The following GREB1L variants were observed in gnomAD, a reference collection of about 807,000 sequenced individuals.
The protein encoded by GREB1L is GREB1 like retinoic acid receptor coactivator.
GREB1L carries 17 observed loss-of-function variants against 200.8 expected under a neutral mutation model. The ratio of observed to expected loss-of-function variants is 0.08; its 90% CI spans 0.06 to 0.13. The LOEUF is 0.13. Among genes scored for constraint, GREB1L ranks in the 10% least tolerant of loss-of-function variants. GREB1L has a pLI of 1.00. For missense variants in GREB1L, 1,657 were observed against 2,367.7 expected (o/e 0.70, Z 6.23); for synonymous variants, 789 against 893.0 (o/e 0.88, Z 2.08).
At chr18:21,484,165 CAT>C (rs1365626759) in intron 17 of GREB1L, among the ~76,000 whole-genome samples, 3 of 149,692 alleles carry the variant, frequency 2.0e-5, no homozygotes, top group Admixed American at 6.7e-5. Flanking sequence ...TACATACATA[CAT>C]ATATATATAT....
intron 1 of GREB1L, among the ~76,000 whole-genome samples, chr18:21,268,403 C>A (rs1224927877): frequency 1.3e-5 from 2 of 150,262 alleles, no homozygotes; most frequent in Non-Finnish European, 3.0e-5. Context: ...AATCATAGTT[C>A]TTCTTGCTTG....
chr18:21,341,183 G>A (rs2039264235), intron 1 of GREB1L, among the ~76,000 whole-genome samples: 1 of 152,150 alleles, frequency 6.6e-6, no homozygotes, highest in African/African-American at 2.4e-5. Context: ...AATGGAAGGA[G>A]ACCCTGTGTG....
chr18:21,269,357 C>G (rs1261010056), intron 1 of GREB1L, among the ~76,000 whole-genome samples: 1 of 152,060 alleles, frequency 6.6e-6, no homozygotes, highest in Non-Finnish European at 1.5e-5. Flanking sequence ...TTAGGAATGG[C>G]CTTTCTTCTC....
chr18:21,525,082 A>T lies in GREB1L; in HGVS notation c.*2261A>T, dbSNP rs895376328. The T allele has an allele frequency of 6.6e-6, 1 of 151,774 alleles. No individual in the cohort carries two copies. Among genetic ancestry groups the T allele is most frequent in the Non-Finnish European group, 1.5e-5 (1 of 67,952 alleles). The allele number at this position is 151,774 out of a possible 1,614,324, so 9.4% of individuals were successfully genotyped here. ...TCCCTTAGGACACTGATGTGGGATGAATGGATTCGCTAGGCCCACACAGTA... is the reference window on the plus strand; with the variant it reads ...TCCCTTAGGACACTGATGTGGGATGTATGGATTCGCTAGGCCCACACAGTA... On this transcript the variant is annotated 3_prime_UTR_variant, in exon 33 of 33. Transcript: ENST00000424526.
At chr18:21,484,772 A>G (rs1177881089) in intron 17 of GREB1L, among the ~76,000 whole-genome samples, 1 of 152,150 alleles carries the variant, frequency 6.6e-6, no homozygotes, top group Non-Finnish European at 1.5e-5. Flanking sequence ...GCAGTGAGCC[A>G]AGATCGCACC....
Position 21,429,270 on chromosome 18 carries a change from C to T in GREB1L, c.833-10251C>T, listed in dbSNP as rs528438449. Among the ~76,000 whole-genome samples the T allele has an allele frequency of 5.0e-3, 574 of 114,962 alleles. 3 individuals carry two copies. Among genetic ancestry groups the T allele is most frequent in the Middle Eastern group, 0.014 (3 of 220 alleles). 75.4% of individuals were successfully genotyped at this position (114,962 alleles called of 152,430 possible). A position where few individuals can be genotyped will look rare whatever the true frequency, so the allele number is the denominator to read the frequency against. ...CTCCTCTCCTCTCCTGTCCTCTCCT[C>T]TCCTCTCCTCTCCTCCCCTCCCCTC... On this transcript the variant is annotated intron_variant, in intron 7 of 32. Coordinates refer to ENST00000424526, the MANE Select transcript of GREB1L (RefSeq NM_001142966.3).
chr18:21,314,121 G>A (rs565975819), intron 1 of GREB1L, among the ~76,000 whole-genome samples: 1 of 152,312 alleles, frequency 6.6e-6, no homozygotes, highest in African/African-American at 2.4e-5. Flanking sequence ...TGTCTTGCCT[G>A]TTCACCTGCT....
intron 1 of GREB1L, among the ~76,000 whole-genome samples, chr18:21,253,826 G>C (rs2037753389): frequency 7.2e-6 from 1 of 138,870 alleles, no homozygotes; most frequent in Non-Finnish European, 1.5e-5. Context: ...TTGACTTCCA[G>C]GCTTTTTTTT....
intron 7 of GREB1L, among the ~76,000 whole-genome samples, chr18:21,436,254 A>G (rs112858208): frequency 3.3e-5 from 5 of 152,310 alleles, no homozygotes; most frequent in African/African-American, 1.2e-4. Context: ...GACTGATGGT[A>G]TAGAGTAGAG....
chr18:21,472,429 T>C (rs1343497852), intron 15 of GREB1L, among the ~76,000 whole-genome samples: 7 of 152,238 alleles, frequency 4.6e-5, no homozygotes, highest in African/African-American at 1.7e-4. Flanking sequence ...ATAGCAGTCA[T>C]GACTAATTCA....
chr18:21,508,648 C>A (rs78910371), intron 27 of GREB1L, 57 bp downstream of exon 27: 11 of 1,437,092 alleles, frequency 7.7e-6, no homozygotes, highest in Non-Finnish European at 1.0e-5. Flanking sequence ...GAGCTCCATT[C>A]CCCTGGCATG....
intron 7 of GREB1L, among the ~76,000 whole-genome samples, chr18:21,409,883 C>T (rs1484367827): frequency 2.0e-5 from 3 of 152,116 alleles, no homozygotes; most frequent in Non-Finnish European, 2.9e-5. Context: ...TTGTGTGACA[C>T]TGTTCCCTGT....
chr18:21,390,597 C>A (rs1456757236), intron 4 of GREB1L, among the ~76,000 whole-genome samples: 3 of 152,088 alleles, frequency 2.0e-5, no homozygotes, highest in Non-Finnish European at 4.4e-5. Flanking sequence ...AGTGCAATGG[C>A]GCAATCTCGG....
intron 1 of GREB1L, among the ~76,000 whole-genome samples, chr18:21,363,193 T>C (rs543103749): frequency 1.3e-4 from 20 of 151,678 alleles, no homozygotes; most frequent in East Asian, 9.7e-4. Flanking sequence ...TTAGATTTCC[T>C]GAAACACTTG....
chr18:21,516,555 A>G, intron 29 of GREB1L, 58 bp from the exon 30 acceptor site: 1 of 1,478,936 alleles, frequency 6.8e-7, no homozygotes, highest in Non-Finnish European at 9.2e-7. Context: ...CTCTGTGTAT[A>G]GTTATCATGG....
At chr18:21,351,892 G>C (rs1157451571) in intron 1 of GREB1L, among the ~76,000 whole-genome samples, 1 of 151,832 alleles carries the variant, frequency 6.6e-6, no homozygotes, top group African/African-American at 2.4e-5. Context: ...CTGTCGCCCA[G>C]GCTGGAGTGC....
intron 1 of GREB1L, among the ~76,000 whole-genome samples, chr18:21,287,991 G>T (rs2038385360): frequency 6.6e-6 from 1 of 151,896 alleles, no homozygotes. Context: ...TTTTAGTAGA[G>T]ATGGGGTTTC....
chr18:21,267,167 C>T (rs1265626329), intron 1 of GREB1L, among the ~76,000 whole-genome samples: 1 of 146,292 alleles, frequency 6.8e-6, no homozygotes, highest in Non-Finnish European at 1.5e-5. Flanking sequence ...CTCCTGGCCT[C>T]GTGATCTGCC....
At chr18:21,352,340 G>A (rs1016576743) in intron 1 of GREB1L, among the ~76,000 whole-genome samples, 6 of 151,990 alleles carry the variant, frequency 3.9e-5, no homozygotes, top group African/African-American at 1.5e-4. Context: ...AAACGTCAAT[G>A]TTTTGCAATA....
Sources: gnomAD v4.1 joint callset for allele counts (sites outside exome capture counted in the v4.1 genomes callset) on GRCh38, gnomAD v4.1.1 for gene constraint, MANE v1.5 for transcripts, NCBI Gene and HGNC (gene_info 2026-07-23, HGNC 2026-07-21) for gene names.